The following GPCPD1 variants were observed in gnomAD, a reference collection of about 807,000 sequenced individuals.
GPCPD1 encodes the protein glycerophosphocholine phosphodiesterase GPCPD1.
GPCPD1 carries 29 observed loss-of-function variants against 89.2 expected under a neutral mutation model. The ratio of observed to expected loss-of-function variants is 0.33; its 90% CI spans 0.24 to 0.44. GPCPD1 has a LOEUF of 0.44. GPCPD1 is among the 20% of genes least tolerant of loss of function. GPCPD1 has a pLI of 1.00. For missense variants in GPCPD1, 594 were observed against 808.9 expected, an observed-to-expected ratio of 0.73 and a Z score of 3.22; for synonymous variants, 258 against 266.3, an observed-to-expected ratio of 0.97 and a Z score of 0.30.
rs576622007 is a variant in GPCPD1 at position 5,552,863 on chromosome 20, G to A, written c.1830-5013C>T. On this transcript the variant is annotated intron_variant, in intron 19 of 19. Transcript: ENST00000379019. The stretch of plus-strand genomic sequence containing the variant: ...CTTTATGGGAAGAATAGTAATATGA[G>A]CCAAATCCAAGGAATGTATTGTTTA... 1.2e-3 allele frequency among the ~76,000 whole-genome samples: 186 copies of A among 152,346 alleles called. 1 individual carries two copies. The highest frequency in any genetic ancestry group is 4.3e-3 in the African/African-American group (177 of 41,588).
Position 5,547,692 on chromosome 20 carries a change from G to A in GPCPD1, c.1988C>T (p.Ala663Val). 6.2e-7 allele frequency: 1 copy of A among 1,605,874 alleles called. No homozygotes were observed. The highest frequency in any genetic ancestry group is 8.5e-7 in the Non-Finnish European group (1 of 1,173,974). The change falls in exon 20 of 20, where the codon GCC (alanine) becomes GTC (valine). Residue 663 changes from alanine (A) to valine (V), a missense_variant. Transcript: ENST00000379019. Reference sequence around the variant, plus strand: ...ATTCTCCACGTTATCAATGCCGTTGGCATCCACATGGATATCAGACTCCCC... The same window carrying A: ...ATTCTCCACGTTATCAATGCCGTTGACATCCACATGGATATCAGACTCCCC... The part of the protein sequence containing the change: ...LCGESDIHVD[A>V]NGIDNVENA
chr20:5,544,470 A>T lies in GPCPD1; in HGVS notation c.*3191T>A, dbSNP rs1161638216. Reference sequence around the variant, plus strand: ...CCACCACCATTTATTTATCTAGTTCATAACTAAGGATAGAACACTATAGCA... The same window carrying T: ...CCACCACCATTTATTTATCTAGTTCTTAACTAAGGATAGAACACTATAGCA... On this transcript the variant is annotated 3_prime_UTR_variant, in exon 20 of 20. Coordinates refer to ENST00000379019, the MANE Select transcript of GPCPD1 (RefSeq NM_019593.5). 1 of 152,248 alleles carries T rather than the reference A, an allele frequency of 6.6e-6. No homozygotes were observed. The highest frequency in any genetic ancestry group is 1.5e-5 in the Non-Finnish European group (1 of 68,032). The allele number at this position is 152,248 out of a possible 1,614,324, so 9.4% of individuals were successfully genotyped here.
rs141001239 is a variant in GPCPD1 at position 5,576,289 on chromosome 20, G to A, written c.706-311C>T. On this transcript the variant is annotated intron_variant, in intron 8 of 19. Transcript: ENST00000379019. ...CAAAAAATTAGCCGGGGATGGTGGC[G>A]CATGCCAGTAGTCCCAGCTACTCGG... Among the ~76,000 whole-genome samples the A allele has an allele frequency of 9.6e-3, 1,459 of 151,876 alleles. 19 individuals are homozygous for A. Among genetic ancestry groups the A allele is most frequent in the Non-Finnish European group, 0.012 (820 of 67,918 alleles).
At chr20:5,577,972 A>C (rs749819297) in intron 8 of GPCPD1, among the ~76,000 whole-genome samples, 3 of 152,344 alleles carry the variant, frequency 2.0e-5, no homozygotes, top group Non-Finnish European at 4.4e-5. Flanking sequence ...TCCCATCAAC[A>C]AATCCTAATA....
rs757389494 is a variant in GPCPD1 at position 5,558,075 on chromosome 20, T to C, written c.1699A>G (p.Arg567Gly). Residue 567 changes from arginine (R) to glycine (G), a missense_variant, in exon 19 of 20, where the codon AGA becomes GGA. By Grantham distance (125) the Arg-to-Gly change is moderately radical (BLOSUM62 -2). Coordinates refer to ENST00000379019, the MANE Select transcript of GPCPD1 (RefSeq NM_019593.5). ...GCCTCTTGAATATAGGATGGGTTTCTGAGCAAGTCTTCAGTATGTACATTT... is the reference window on the plus strand; with the variant it reads ...GCCTCTTGAATATAGGATGGGTTTCCGAGCAAGTCTTCAGTATGTACATTT... ...GINVHTEDLL[R>G]NPSYIQEAKA... 6.2e-7 allele frequency: 1 copy of C among 1,603,438 alleles called. No individual in the cohort carries two copies. Among genetic ancestry groups the C allele is most frequent in the South Asian group, 1.1e-5 (1 of 89,874 alleles).
intron 19 of GPCPD1, among the ~76,000 whole-genome samples, chr20:5,552,057 C>G (rs1364310950): frequency 1.3e-5 from 2 of 152,136 alleles, no homozygotes; most frequent in Non-Finnish European, 1.5e-5. Context: ...GGGACACGGT[C>G]TCAGCCAGAG....
rs1568658971 is a variant in GPCPD1 at position 5,575,561 on chromosome 20, A to G, written c.869-16T>C. 2 of 1,520,874 alleles carry G rather than the reference A, an allele frequency of 1.3e-6. No individual in the cohort carries two copies. Among genetic ancestry groups the G allele is most frequent in the South Asian group, 2.3e-5 (2 of 85,652 alleles). 94.2% of individuals were successfully genotyped at this position (1,520,874 alleles called of 1,614,324 possible). A position where few individuals can be genotyped will look rare whatever the true frequency, so the allele number is the denominator to read the frequency against. ...ATATAGTCAACTTTCATAGGAAAAA[A>G]GAGGGAGGAACAAAAATAAAAATGA... On this transcript the variant is annotated splice_polypyrimidine_tract_variant and intron_variant, in intron 9 of 19. Transcript: ENST00000379019.
At chr20:5,562,153 AATG>A (rs781312441) in intron 15 of GPCPD1, among the ~76,000 whole-genome samples, 1 of 152,230 alleles carries the variant, frequency 6.6e-6, no homozygotes, top group East Asian at 1.9e-4. Flanking sequence ...TTAACTAGAA[AATG>A]ACATTGAAAA....
At chr20:5,576,052 C>T in intron 8 of GPCPD1, 74 bp from the exon 9 acceptor site, 1 of 642,116 alleles carries the variant, frequency 1.6e-6, no homozygotes, top group Non-Finnish European at 2.7e-6. Flanking sequence ...CACACACACA[C>T]ACACACACAG....
intron 11 of GPCPD1, among the ~76,000 whole-genome samples, chr20:5,571,249 A>C (rs1222122408): frequency 6.6e-6 from 1 of 152,196 alleles, no homozygotes; most frequent in Non-Finnish European, 1.5e-5. Context: ...AGCACCTCTT[A>C]TTTTAAACAA....
intron 19 of GPCPD1, among the ~76,000 whole-genome samples, chr20:5,555,629 C>T (rs553200343): frequency 1.8e-4 from 28 of 152,312 alleles, no homozygotes; most frequent in African/African-American, 3.6e-4. Context: ...GAGGCCAAGG[C>T]GGGTGGATCA....
rs769233654 is a variant in GPCPD1 at position 5,567,472 on chromosome 20, A to AT, written c.1227+10dup. The AT allele has an allele frequency of 5.1e-6, 8 of 1,557,248 alleles. No homozygotes were observed. Among genetic ancestry groups the AT allele is most frequent in the Non-Finnish European group, 4.3e-6 (5 of 1,161,238 alleles). The stretch of plus-strand genomic sequence containing the variant: ...TAAGGGATAATTTACATTTCATGTT[A>AT]TTATTACTACCTTTAACAACTGGAG... On this transcript the variant is annotated intron_variant, in intron 13 of 19. Transcript: ENST00000379019.
chr20:5,544,961 A>C lies in GPCPD1; in HGVS notation c.*2700T>G, dbSNP rs6107649. On this transcript the variant is annotated 3_prime_UTR_variant, in exon 20 of 20. Transcript: ENST00000379019. ...GTGGGTGGGTGGCAGGAAGCGCCAC[A>C]ACACTTTCCACACAGGGGTGGGTGG... is the stretch of plus-strand genomic sequence containing the variant. 57,942 of 151,950 alleles carry C rather than the reference A, an allele frequency of 0.38. 12,574 individuals carry two copies. The highest frequency in any genetic ancestry group is 0.61 in the African/African-American group (25,144 of 41,406). The allele number at this position is 151,950 out of a possible 1,614,324, so 9.4% of individuals were successfully genotyped here. A position where few individuals can be genotyped will look rare whatever the true frequency, so the allele number is the denominator to read the frequency against.
intron 11 of GPCPD1, among the ~76,000 whole-genome samples, chr20:5,571,488 A>G (rs2122639346): frequency 6.6e-6 from 1 of 152,378 alleles, no homozygotes. Context: ...TATGTATTTA[A>G]CATTAAAATA....
chr20:5,597,294 G>A (rs914665214), intron 3 of GPCPD1, among the ~76,000 whole-genome samples: 2 of 151,936 alleles, frequency 1.3e-5, no homozygotes, highest in Non-Finnish European at 2.9e-5. Context: ...ACTTTCCTTT[G>A]TTATTTTCCG....
chr20:5,547,810 C>G lies in GPCPD1; in HGVS notation c.1870G>C (p.Val624Leu). 1 of 1,608,906 alleles carries G rather than the reference C, an allele frequency of 6.2e-7. No homozygotes were observed. Among genetic ancestry groups the G allele is most frequent in the Non-Finnish European group, 8.5e-7 (1 of 1,175,858 alleles). Residue 624 changes from valine (V) to leucine (L), a missense_variant, in exon 20 of 20, where the codon GTG (valine) becomes CTG (leucine). Coordinates refer to ENST00000379019, the MANE Select transcript of GPCPD1 (RefSeq NM_019593.5). ...WMPEQPNIFQ[V>L]EQLERLKQEL... Reference sequence around the variant, plus strand: ...TGCTTCAGGCGTTCCAATTGCTCCACTTGGAATATATTTGGTTGTTCAGGC... The same window carrying G: ...TGCTTCAGGCGTTCCAATTGCTCCAGTTGGAATATATTTGGTTGTTCAGGC...
At chr20:5,550,818 A>G (rs1985363657) in intron 19 of GPCPD1, among the ~76,000 whole-genome samples, 1 of 152,204 alleles carries the variant, frequency 6.6e-6, no homozygotes, top group Admixed American at 6.5e-5. Flanking sequence ...CATTGAACCA[A>G]GAGAGGAAAA....
chr20:5,560,761 G>T (rs1362101484), intron 16 of GPCPD1, among the ~76,000 whole-genome samples: 1 of 152,082 alleles, frequency 6.6e-6, no homozygotes, highest in Non-Finnish European at 1.5e-5. Flanking sequence ...AAATTCAAGG[G>T]TATTGCTCAA....
intron 12 of GPCPD1, chr20:5,567,778 T>G (rs1986477209): frequency 1.2e-5 from 5 of 407,402 alleles, no homozygotes; most frequent in Admixed American, 4.3e-5. Context: ...GCTTTCATTT[T>G]TATTGCAGTG....
Sources: gnomAD v4.1 joint callset for allele counts (sites outside exome capture counted in the v4.1 genomes callset) on GRCh38, gnomAD v4.1.1 for gene constraint, MANE v1.5 for transcripts, NCBI Gene and HGNC (gene_info 2026-07-23, HGNC 2026-07-21) for gene names.